Variants in NFAT5 observed in about 807,000 individuals in gnomAD.
NFAT5 encodes the protein nuclear factor of activated T cells 5.
Under a neutral mutation model 166.5 loss-of-function variants are expected in NFAT5, and 31 were observed. The observed-to-expected ratio is 0.19, with a 90% CI of 0.14 to 0.25. The LOEUF (loss-of-function observed/expected upper bound fraction) is 0.25, where lower values mean the gene tolerates loss of function less well. NFAT5 is among the 10% of genes least tolerant of loss of function. NFAT5 has a pLI of 1.00. For synonymous variants in NFAT5, 612 were observed against 639.7 expected (o/e 0.96, Z 0.65); for missense variants, 1,449 against 1,821.8 (o/e 0.80, Z 3.72).
intron 7 of NFAT5, among the ~76,000 whole-genome samples, chr16:69,662,090 C>T (rs2036169871): frequency 6.6e-6 from 1 of 152,186 alleles, no homozygotes; most frequent in East Asian, 1.9e-4. Context: ...ATTATATAAG[C>T]TTCCAATTGT....
At chr16:69,636,021 A>C (rs2034951141) in intron 3 of NFAT5, among the ~76,000 whole-genome samples, 1 of 152,214 alleles carries the variant, frequency 6.6e-6, no homozygotes, top group African/African-American at 2.4e-5. Context: ...TAAAATAAAA[A>C]GCAAGCTGAT....
chr16:69,574,667 C>T (rs906386215), intron 2 of NFAT5, among the ~76,000 whole-genome samples: 3 of 143,958 alleles, frequency 2.1e-5, no homozygotes, highest in Non-Finnish European at 4.6e-5. Flanking sequence ...ATACTTTTCT[C>T]TTTTTTTTTT....
Position 69,704,379 on chromosome 16 carries a change from T to C in NFAT5, c.*8028T>C, listed in dbSNP as rs1321786881. 6.6e-6 allele frequency: 1 copy of C among 152,656 alleles called. No individual in the cohort carries two copies. Among genetic ancestry groups the C allele is most frequent in the African/African-American group, 2.4e-5 (1 of 41,458 alleles). 9.5% of individuals were successfully genotyped at this position (152,656 alleles called of 1,614,324 possible). A position where few individuals can be genotyped will look rare whatever the true frequency, so the allele number is the denominator to read the frequency against. On this transcript the variant is annotated 3_prime_UTR_variant, in exon 15 of 15. Coordinates refer to ENST00000349945, the MANE Select transcript of NFAT5 (RefSeq NM_138713.4). ...TTTAATTTTATTTGCTTGAGCACAC[T>C]GATCAACCACTGAACTGCCTTCTTC...
chr16:69,580,576 A>G (rs1474975601), intron 2 of NFAT5, among the ~76,000 whole-genome samples: 1 of 151,876 alleles, frequency 6.6e-6, no homozygotes, highest in Non-Finnish European at 1.5e-5. Context: ...CGCAGGGTTT[A>G]TCTTCCTAAA....
In NFAT5 at chr16:69,655,710, A is replaced by G; in HGVS notation, c.1107A>G (p.Gly369=). The change falls in exon 6 of 15, where the codon GGA becomes GGG. Residue 369 remains glycine (G), a synonymous_variant. Transcript: ENST00000349945. Reference sequence around the variant, plus strand: ...TTTATCAGGCCTGCAGAGTAACTGGACGAAATACAACTCCTTGCAAAGAAG... The same window carrying G: ...TTTATCAGGCCTGCAGAGTAACTGGGCGAAATACAACTCCTTGCAAAGAAG... The part of the protein sequence containing the change: ...HGFYQACRVT[G]RNTTPCKEVD... 1 of 1,613,996 alleles carries G rather than the reference A, an allele frequency of 6.2e-7. No individual in the cohort carries two copies. Among genetic ancestry groups the G allele is most frequent in the South Asian group, 1.1e-5 (1 of 91,072 alleles).
At chr16:69,595,257 G>T (rs1396871654) in intron 2 of NFAT5, among the ~76,000 whole-genome samples, 5 of 152,166 alleles carry the variant, frequency 3.3e-5, no homozygotes, top group South Asian at 2.1e-4. Context: ...TTACTGTTCT[G>T]TATTCACCCT....
chr16:69,627,579 A>T (rs1293320696), intron 3 of NFAT5, among the ~76,000 whole-genome samples: 1 of 152,080 alleles, frequency 6.6e-6, no homozygotes, highest in African/African-American at 2.4e-5. Context: ...TATATTTCTC[A>T]TATGCATTAA....
At chr16:69,677,617 G>T (rs903300742) in intron 10 of NFAT5, among the ~76,000 whole-genome samples, 2 of 152,150 alleles carry the variant, frequency 1.3e-5, no homozygotes, top group Admixed American at 1.3e-4. Flanking sequence ...TCCTCCATAA[G>T]AATTTCCATG....
rs1236847983 is a variant in NFAT5 at position 69,683,740 on chromosome 16, A to G, written c.1691-1147A>G. On this transcript the variant is annotated intron_variant, in intron 10 of 14. Transcript: ENST00000349945. ...GGAGGCCAAGGCGGGCAGATCACTT[A>G]AAGTCAAAAGTTTGAGACCCAGCTT... Among the ~76,000 whole-genome samples the G allele has an allele frequency of 3.3e-5, 5 of 151,796 alleles. No individual in the cohort carries two copies. The East Asian group carries it at 9.7e-4, about 29-fold the overall frequency.
rs1001705909 is a variant in NFAT5, at chr16:69,566,874, T to C, written c.73+500T>C. Among the ~76,000 whole-genome samples, 1 of 152,088 alleles carries C rather than the reference T, an allele frequency of 6.6e-6. No individual in the cohort carries two copies. The highest frequency in any genetic ancestry group is 1.5e-5 in the Non-Finnish European group (1 of 67,980). On this transcript the variant is annotated intron_variant, in intron 1 of 14. Transcript: ENST00000349945. This position sits in a 1 kb window ranked among gnomAD's most constrained non-coding sequence, Gnocchi z 5.7. ...TCACCATTTTCCTCCCTTTCCAGCT[T>C]GTTTTTGCGCCGTCGTTCCACCCCC...
Position 69,566,171 on chromosome 16 carries a change from G to A in NFAT5, c.-131G>A. 1 of 691,152 alleles carries A rather than the reference G, an allele frequency of 1.4e-6. No homozygotes were observed. Among genetic ancestry groups the A allele is most frequent in the Non-Finnish European group, 2.4e-6 (1 of 414,128 alleles). The allele number at this position is 691,152 out of a possible 1,614,324, so 42.8% of individuals were successfully genotyped here. The stretch of plus-strand genomic sequence containing the variant: ...GCCCAGTGGAAGTCACTACCCTCGA[G>A]GAGGAGGCAGCGGCAGCCGCCCTCG... On this transcript the variant is annotated 5_prime_UTR_variant, in exon 1 of 15. Transcript: ENST00000349945. This position sits in a 1 kb window ranked among gnomAD's most constrained non-coding sequence, Gnocchi z 5.7.
chr16:69,692,168 A>G lies in NFAT5; in HGVS notation c.2343A>G (p.Pro781=), dbSNP rs201041243. The change falls in exon 13 of 15, where the codon CCA becomes CCG. Residue 781 remains proline (P), a synonymous_variant. Coordinates refer to ENST00000349945, the MANE Select transcript of NFAT5 (RefSeq NM_138713.4). ...AGCAGATTTCATCAAATATTTTTCC[A>G]TCACCAAATAGTGTGAGTCAGCTTC... ...LQQQISSNIF[P]SPNSVSQLQN... is the part of the protein sequence containing the mutation. 410 of 1,614,212 alleles carry G rather than the reference A, an allele frequency of 2.5e-4. No individual in the cohort carries two copies. Among genetic ancestry groups the G allele is most frequent in the Admixed American group, 4.5e-4 (27 of 60,018 alleles).
intron 10 of NFAT5, among the ~76,000 whole-genome samples, chr16:69,681,660 G>A (rs939587500): frequency 6.6e-6 from 1 of 152,280 alleles, no homozygotes; most frequent in East Asian, 1.9e-4. Flanking sequence ...GCTCACGCCT[G>A]TAATCCCAGC....
At chr16:69,573,326 A>G (rs2016549370) in intron 2 of NFAT5, among the ~76,000 whole-genome samples, 1 of 152,158 alleles carries the variant, frequency 6.6e-6, no homozygotes, top group Non-Finnish European at 1.5e-5. Context: ...CATAGTAGCA[A>G]TGTTTTATTG....
Position 69,647,225 on chromosome 16 carries a change from C to A in NFAT5, c.451C>A (p.Pro151Thr). The A allele has an allele frequency of 6.2e-7, 1 of 1,614,058 alleles. No homozygotes were observed. The highest frequency in any genetic ancestry group is 8.5e-7 in the Non-Finnish European group (1 of 1,179,958). ...QLTSNTVQQH[P>T]STPKRHTVLY... Reference sequence around the variant, plus strand: ...AACCAGTAACACAGTTCAGCAGCATCCATCAACACCGAAGAGGCACACAGT... The same window carrying A: ...AACCAGTAACACAGTTCAGCAGCATACATCAACACCGAAGAGGCACACAGT... The change falls in exon 4 of 15, where the codon CCA becomes ACA. Residue 151 changes from proline to threonine, a missense_variant. Physicochemically the swap from Pro to Thr is conservative, Grantham distance 38 (BLOSUM62 -1). Coordinates refer to ENST00000349945, the MANE Select transcript of NFAT5 (RefSeq NM_138713.4). The surrounding 1 kb of genome is among the most constrained non-coding windows in gnomAD (Gnocchi z 4.8).
At chr16:69,581,809 TTATC>T (rs1368985998) in intron 2 of NFAT5, among the ~76,000 whole-genome samples, 1 of 151,890 alleles carries the variant, frequency 6.6e-6, no homozygotes, top group Non-Finnish European at 1.5e-5. Flanking sequence ...AATTATATAT[TTATC>T]ATGTACAACA....
chr16:69,597,594 CT>C (rs752838733), intron 2 of NFAT5, among the ~76,000 whole-genome samples: 246 of 138,236 alleles, frequency 1.8e-3, no homozygotes, highest in Admixed American at 1.8e-3. Flanking sequence ...CTAATGTTTT[CT>C]TTTTTTTTTT....
intron 2 of NFAT5, among the ~76,000 whole-genome samples, chr16:69,612,983 T>G (rs540596816): frequency 2.0e-5 from 3 of 152,342 alleles, no homozygotes; most frequent in African/African-American, 7.2e-5. Context: ...TGTATTCACT[T>G]GGAAGTCCCA....
chr16:69,629,464 T>G (rs761627273), intron 3 of NFAT5, among the ~76,000 whole-genome samples: 33 of 152,198 alleles, frequency 2.2e-4, no homozygotes, highest in Admixed American at 4.6e-4. Flanking sequence ...AATTCATACT[T>G]TTATGCACTC....
Sources: gnomAD v4.1 joint callset for allele counts (sites outside exome capture counted in the v4.1 genomes callset) on GRCh38, gnomAD v4.1.1 for gene constraint, Gnocchi (gnomAD v3.1) non-coding constraint, MANE v1.5 for transcripts, NCBI Gene and HGNC (gene_info 2026-07-23, HGNC 2026-07-21) for gene names.